Variants in SLC38A10 observed in about 807,000 individuals in gnomAD.
SLC38A10 encodes Sodium-coupled neutral amino acid transporter 10.
In SLC38A10, 53 loss-of-function variants were observed where a neutral mutation model predicts 81.0. The ratio of observed to expected loss-of-function variants is 0.65; its 90% CI spans 0.53 to 0.82. SLC38A10 has a LOEUF of 0.82. Ranked by LOEUF, SLC38A10 falls within the 40% of genes least tolerant of loss-of-function variation. SLC38A10 has a pLI of 0.00. For synonymous variants in SLC38A10, 665 were observed against 655.3 expected, an observed-to-expected ratio of 1.01 and a Z score of -0.23; for missense variants, 1,471 against 1,545.0, an observed-to-expected ratio of 0.95 and a Z score of 0.80.
intron 6 of SLC38A10, among the ~76,000 whole-genome samples, chr17:81,278,384 C>CA (rs1169764078): frequency 6.6e-6 from 1 of 151,622 alleles, no homozygotes; most frequent in Admixed American, 6.6e-5. Flanking sequence ...ACCCCATCTC[C>CA]AAAAAAAAGA....
chr17:81,273,494 A>G (rs1285811769), intron 8 of SLC38A10, among the ~76,000 whole-genome samples: 3 of 152,214 alleles, frequency 2.0e-5, no homozygotes. Context: ...CACAGGACGG[A>G]CTGGCCGTGA....
intron 14 of SLC38A10, among the ~76,000 whole-genome samples, chr17:81,248,481 C>T (rs536368598): frequency 6.6e-6 from 1 of 152,226 alleles, no homozygotes; most frequent in Non-Finnish European, 1.5e-5. Flanking sequence ...CAGGAGCACC[C>T]GGTCTGACTC....
At chr17:81,247,266 G>C (rs1000620526) in intron 14 of SLC38A10, 5 of 472,824 alleles carry the variant, frequency 1.1e-5, no homozygotes, top group Non-Finnish European at 1.7e-5. Flanking sequence ...GCCCGGGAGA[G>C]GCTGCGCCCT....
At position 81,252,324 on chromosome 17, in the gene SLC38A10, G is replaced by A. The variant is rs1235135625; in HGVS notation, c.1816C>T (p.Arg606Trp). The A allele has an allele frequency of 6.8e-6, 11 of 1,612,466 alleles. No individual in the cohort carries two copies. The highest frequency in any genetic ancestry group is 1.3e-5 in the African/African-American group (1 of 74,908). The part of the protein sequence containing the change: ...LGPGDRGLHP[R>W]PQAVLSEQQN... ...TGCTCAGACAGCACTGCCTGGGGCC[G>A]AGGATGCAGGCCCCTGTCTCCTGGC... The change falls in exon 13 of 16, where the codon CGG (arginine) becomes TGG (tryptophan). Residue 606 changes from arginine to tryptophan, a missense_variant. By Grantham distance (101) the Arg-to-Trp change is moderately radical. Coordinates refer to ENST00000374759, the MANE Select transcript of SLC38A10 (RefSeq NM_001037984.3).
chr17:81,265,958 T>C lies in SLC38A10; in HGVS notation c.1131+4960A>G, dbSNP rs1036286776. 2.6e-5 allele frequency among the ~76,000 whole-genome samples: 4 copies of C among 152,240 alleles called. No individual in the cohort carries two copies. The highest frequency in any genetic ancestry group is 9.6e-5 in the African/African-American group (4 of 41,470). On this transcript the variant is annotated intron_variant, in intron 10 of 15. Transcript: ENST00000374759. The surrounding 1 kb of genome is among the most constrained non-coding windows in gnomAD (Gnocchi z 4.2). Reference sequence around the variant, plus strand: ...GGTGAATGTGATTCAGTGCGCTTTCTAGCTTCCAAAAGACATGGCAAAGCA... The same window carrying C: ...GGTGAATGTGATTCAGTGCGCTTTCCAGCTTCCAAAAGACATGGCAAAGCA...
rs529304429 is a variant in SLC38A10 at position 81,256,925 on chromosome 17, G to A, written c.1288+3313C>T. 2.6e-5 allele frequency among the ~76,000 whole-genome samples: 4 copies of A among 152,284 alleles called. No individual in the cohort carries two copies. In the South Asian group the frequency reaches 6.2e-4, roughly 24 times the overall value. On this transcript the variant is annotated intron_variant, in intron 11 of 15. Coordinates refer to ENST00000374759, the MANE Select transcript of SLC38A10 (RefSeq NM_001037984.3). ...GGCCCTGGTACAGCCTCCGGCAGGCGGAACCTCCTCACCACTGCTTTTGCC... is the reference window on the plus strand; with the variant it reads ...GGCCCTGGTACAGCCTCCGGCAGGCAGAACCTCCTCACCACTGCTTTTGCC...
intron 10 of SLC38A10, among the ~76,000 whole-genome samples, chr17:81,269,920 C>T (rs950293734): frequency 1.3e-5 from 2 of 152,024 alleles, no homozygotes; most frequent in Non-Finnish European, 2.9e-5. Flanking sequence ...GCCGAGACTG[C>T]GCCACTGCAC....
intron 11 of SLC38A10, among the ~76,000 whole-genome samples, chr17:81,259,039 GAGGTGACA>G (rs1371893540): frequency 2.0e-5 from 3 of 152,264 alleles, no homozygotes. Flanking sequence ...CAGTTTGTAT[GAGGTGACA>G]ACGCTGGGAA....
chr17:81,245,480 C>T lies in SLC38A10; in HGVS notation c.*76G>A. 1 of 1,497,806 alleles carries T rather than the reference C, an allele frequency of 6.7e-7. No homozygotes were observed. Among genetic ancestry groups the T allele is most frequent in the Non-Finnish European group, 8.9e-7 (1 of 1,124,798 alleles). The allele number at this position is 1,497,806 out of a possible 1,614,324, so 92.8% of individuals were successfully genotyped here. A position where few individuals can be genotyped will look rare whatever the true frequency, so the allele number is the denominator to read the frequency against. Reference sequence around the variant, plus strand: ...GGCGAGTGTGACCTCCAGAGTTTGGCTGGGATGCGGCTGAGACAGACCTGC... The same window carrying T: ...GGCGAGTGTGACCTCCAGAGTTTGGTTGGGATGCGGCTGAGACAGACCTGC... On this transcript the variant is annotated 3_prime_UTR_variant, in exon 16 of 16. Transcript: ENST00000374759.
At chr17:81,247,152 C>T in intron 14 of SLC38A10, 91 bp from the exon 15 acceptor site, 4 of 1,348,206 alleles carry the variant, frequency 3.0e-6, no homozygotes, top group Non-Finnish European at 4.0e-6. Flanking sequence ...AGGCAACGCA[C>T]AGGTCACCTG....
At chr17:81,256,020 C>T (rs868215012) in intron 11 of SLC38A10, among the ~76,000 whole-genome samples, 2 of 152,174 alleles carry the variant, frequency 1.3e-5, no homozygotes, top group Admixed American at 1.3e-4. Context: ...AACCACGACC[C>T]GTGACCATCA....
At chr17:81,290,066 T>C (rs763093810) in intron 1 of SLC38A10, among the ~76,000 whole-genome samples, 1 of 152,208 alleles carries the variant, frequency 6.6e-6, no homozygotes, top group Non-Finnish European at 1.5e-5. Context: ...CAAGTCTTCA[T>C]GGACAGCGGG....
Position 81,251,524 on chromosome 17 carries a change from C to G in SLC38A10, c.2034G>C (p.Ala678=), listed in dbSNP as rs1191124679. The G allele has an allele frequency of 2.5e-6, 4 of 1,596,854 alleles. No homozygotes were observed. The highest frequency in any genetic ancestry group is 3.4e-6 in the Non-Finnish European group (4 of 1,174,898). The change falls in exon 14 of 16, where the codon GCG becomes GCC. Residue 678 remains alanine, a synonymous_variant. Transcript: ENST00000374759. ...EPREQRDVER[A]GGNQAASQLE... ...GCTGGCTGGCCGCCTGGTTTCCACC[C>G]GCTCGCTCCACGTCCCTCTGCTCGC... is the stretch of plus-strand genomic sequence containing the variant.
chr17:81,277,014 C>A lies in SLC38A10; in HGVS notation c.729+17G>T. 2 of 1,609,468 alleles carry A rather than the reference C, an allele frequency of 1.2e-6. No homozygotes were observed. Among genetic ancestry groups the A allele is most frequent in the Non-Finnish European group, 8.5e-7 (1 of 1,175,976 alleles). ...TGGCATGACACAGGGGCGGAGAGGGCGTGGCAAGGCTCTTACCATGACGTA... is the reference window on the plus strand; with the variant it reads ...TGGCATGACACAGGGGCGGAGAGGGAGTGGCAAGGCTCTTACCATGACGTA... On this transcript the variant is annotated intron_variant, in intron 7 of 15. Transcript: ENST00000374759. The surrounding 1 kb of genome is among the most constrained non-coding windows in gnomAD (Gnocchi z 4.5).
At position 81,253,091 on chromosome 17, in the gene SLC38A10, G is replaced by C; in HGVS notation, c.1438C>G (p.Leu480Val). The change falls in exon 12 of 16, where the codon CTC becomes GTC. Residue 480 changes from leucine (L) to valine (V), a missense_variant. Transcript: ENST00000374759. This position sits in a 1 kb window ranked among gnomAD's most constrained non-coding sequence, Gnocchi z 4.1. Reference protein sequence around the residue: ...DGKEAPEEAQLDRPGQGIAVP... With the variant: ...DGKEAPEEAQVDRPGQGIAVP... The stretch of plus-strand genomic sequence containing the variant: ...CCAGCACCTTGCCCAGGGCGATCGA[G>C]CTGTGCCTCCTCCGGTGCCTCCTTG... 1 of 1,613,506 alleles carries C rather than the reference G, an allele frequency of 6.2e-7. No homozygotes were observed. The highest frequency in any genetic ancestry group is 8.5e-7 in the Non-Finnish European group (1 of 1,180,020).
intron 10 of SLC38A10, among the ~76,000 whole-genome samples, chr17:81,261,098 C>T (rs981808988): frequency 1.3e-5 from 2 of 152,254 alleles, no homozygotes; most frequent in Non-Finnish European, 2.9e-5. Context: ...GCACTCTTTG[C>T]CGAAGGCTCT....
chr17:81,289,896 C>G lies in SLC38A10; in HGVS notation c.100-88G>C. The G allele has an allele frequency of 1.8e-6, 2 of 1,082,596 alleles. No individual in the cohort carries two copies. Among genetic ancestry groups the G allele is most frequent in the Non-Finnish European group, 2.6e-6 (2 of 766,148 alleles). The allele number at this position is 1,082,596 out of a possible 1,614,324, so 67.1% of individuals were successfully genotyped here. On this transcript the variant is annotated intron_variant, in intron 1 of 15. Coordinates refer to ENST00000374759, the MANE Select transcript of SLC38A10 (RefSeq NM_001037984.3). This position sits in a 1 kb window ranked among gnomAD's most constrained non-coding sequence, Gnocchi z 5.9. ...CACACACGCGGCTCATGAGGACCCT[C>G]TTCACCCCCAGGCCCCGCTCCATCC...
chr17:81,258,826 G>A (rs2062995478), intron 11 of SLC38A10, among the ~76,000 whole-genome samples: 1 of 152,158 alleles, frequency 6.6e-6, no homozygotes, highest in South Asian at 2.1e-4. Flanking sequence ...CAAATCCAAC[G>A]CAAGGCAGCT....
At chr17:81,280,812 G>C in intron 5 of SLC38A10, 79 bp from the exon 6 acceptor site, 1 of 1,520,658 alleles carries the variant, frequency 6.6e-7, no homozygotes, top group Non-Finnish European at 8.8e-7. Flanking sequence ...CGCGCCGCTA[G>C]GAAGGAGTGG....
Sources: allele counts gnomAD v4.1 joint callset (sites outside exome capture counted in the v4.1 genomes callset), GRCh38; gene constraint gnomAD v4.1.1; non-coding constraint Gnocchi (gnomAD v3.1); transcripts MANE v1.5; gene names NCBI Gene and HGNC (gene_info 2026-07-23, HGNC 2026-07-21).